The following PREX2 variants were observed in gnomAD, a reference collection of about 807,000 sequenced individuals.
PREX2 encodes phosphatidylinositol 3,4,5-trisphosphate-dependent Rac exchanger 2 protein.
PREX2 carries 107 observed loss-of-function variants against 203.2 expected under a neutral mutation model. The observed-to-expected ratio is 0.53, with a 90% CI of 0.45 to 0.62. The LOEUF (loss-of-function observed/expected upper bound fraction) is 0.62, where lower values mean the gene tolerates loss of function less well. Ranked by LOEUF, PREX2 falls within the 20% of genes least tolerant of loss-of-function variation. PREX2 has a pLI of 0.00. For synonymous variants in PREX2, 672 were observed against 663.6 expected (o/e 1.01, Z -0.19); for missense variants, 1,777 against 1,955.9 (o/e 0.91, Z 1.72).
chr8:68,013,957 C>A (rs189792173), intron 1 of PREX2, among the ~76,000 whole-genome samples: 5 of 151,982 alleles, frequency 3.3e-5, no homozygotes, highest in Non-Finnish European at 7.4e-5. Flanking sequence ...TAAAATCTGC[C>A]GGACTTTTGA....
At chr8:68,230,584 G>T (rs1399897355) in intron 39 of PREX2, among the ~76,000 whole-genome samples, 1 of 152,138 alleles carries the variant, frequency 6.6e-6, no homozygotes, top group Non-Finnish European at 1.5e-5. Context: ...TTTAACCACT[G>T]AGGAGAATGT....
intron 37 of PREX2, among the ~76,000 whole-genome samples, chr8:68,208,778 T>G (rs1812692285): frequency 6.6e-6 from 1 of 152,102 alleles, no homozygotes; most frequent in African/African-American, 2.4e-5. Context: ...TGATCAGCAG[T>G]GTCTTGCATC....
chr8:68,092,282 G>A (rs1809900054), intron 20 of PREX2, among the ~76,000 whole-genome samples: 2 of 152,134 alleles, frequency 1.3e-5, no homozygotes, highest in South Asian at 2.1e-4. Context: ...ACTAAGCGGT[G>A]CGGCTCATTG....
chr8:68,167,940 T>C (rs931184994), intron 35 of PREX2, among the ~76,000 whole-genome samples: 2 of 152,136 alleles, frequency 1.3e-5, no homozygotes, highest in Non-Finnish European at 2.9e-5. Context: ...TGCTAAAAGC[T>C]CTTGGATGGG....
intron 1 of PREX2, among the ~76,000 whole-genome samples, chr8:67,983,208 T>G (rs1056709191): frequency 6.8e-6 from 1 of 147,764 alleles, no homozygotes; most frequent in Non-Finnish European, 1.5e-5. Context: ...ATTTTGAACC[T>G]TTGTTTGGTA....
At chr8:68,224,717 G>A (rs1813024803) in intron 39 of PREX2, 91 bp downstream of exon 39, 14 of 938,052 alleles carry the variant, frequency 1.5e-5, no homozygotes, top group Non-Finnish European at 2.4e-5. Flanking sequence ...GATCTAGGAT[G>A]TGCCCCGTGT....
At chr8:68,018,505 T>C (rs920501048) in intron 2 of PREX2, among the ~76,000 whole-genome samples, 4 of 151,934 alleles carry the variant, frequency 2.6e-5, no homozygotes, top group African/African-American at 9.7e-5. Context: ...AATTGGAGGC[T>C]AAGAACCTCA....
chr8:67,978,526 T>C (rs1231848970), intron 1 of PREX2, among the ~76,000 whole-genome samples: 1 of 152,358 alleles, frequency 6.6e-6, no homozygotes, highest in Non-Finnish European at 1.5e-5. Context: ...ATCCGTATTA[T>C]TGACTGGAGC....
chr8:68,113,795 C>A lies in PREX2; in HGVS notation c.3147-1958C>A, dbSNP rs1260969886. Among the ~76,000 whole-genome samples, 3 of 152,118 alleles carry A rather than the reference C, an allele frequency of 2.0e-5. No homozygotes were observed. In the East Asian group the frequency reaches 5.8e-4, roughly 29 times the overall value. ...AGAAAGTTTACTTGTTTTTACTTGT[C>A]TTCTCTCAGTAGAATTTGAGCTCCA... On this transcript the variant is annotated intron_variant, in intron 25 of 39. Transcript: ENST00000288368.
At chr8:68,005,741 A>G (rs899212888) in intron 1 of PREX2, among the ~76,000 whole-genome samples, 2 of 152,180 alleles carry the variant, frequency 1.3e-5, no homozygotes, top group African/African-American at 4.8e-5. Context: ...ATGTACCACC[A>G]TCTGAACTTG....
chr8:67,994,113 T>G (rs1412210032), intron 1 of PREX2, among the ~76,000 whole-genome samples: 1 of 152,232 alleles, frequency 6.6e-6, no homozygotes, highest in Non-Finnish European at 1.5e-5. Context: ...TTGTTACCTG[T>G]CTACTGTTAT....
chr8:68,203,829 A>G (rs188257549), intron 37 of PREX2, among the ~76,000 whole-genome samples: 1 of 152,176 alleles, frequency 6.6e-6, no homozygotes, highest in Non-Finnish European at 1.5e-5. Context: ...AAACAGGCCA[A>G]AGAGAAAACA....
intron 25 of PREX2, chr8:68,110,892 C>A (rs1481264441): frequency 8.2e-6 from 3 of 366,552 alleles, no homozygotes; most frequent in Non-Finnish European, 1.6e-5. Context: ...TTCTAATATG[C>A]TAGTTTTGTA....
Position 68,069,025 on chromosome 8 carries a change from G to T in PREX2, c.1340-8G>T. 8.2e-7 allele frequency: 1 copy of T among 1,214,654 alleles called. No individual in the cohort carries two copies. The highest frequency in any genetic ancestry group is 1.2e-6 in the Non-Finnish European group (1 of 862,002). 75.2% of individuals were successfully genotyped at this position (1,214,654 alleles called of 1,614,324 possible). A position where few individuals can be genotyped will look rare whatever the true frequency, so the allele number is the denominator to read the frequency against. On this transcript the variant is annotated splice_region_variant and splice_polypyrimidine_tract_variant and intron_variant, in intron 11 of 39. Transcript: ENST00000288368. ...CGTTATTTTAATATAGTATTTCTAT[G>T]TTCTTAGTTACTGATAAACATCAAT...
chr8:68,172,240 T>G (rs910697489), intron 35 of PREX2, among the ~76,000 whole-genome samples: 1 of 152,206 alleles, frequency 6.6e-6, no homozygotes, highest in African/African-American at 2.4e-5. Context: ...GCTTGAAAGT[T>G]TTGTGGATGT....
chr8:68,030,251 G>A (rs1807842881), intron 5 of PREX2, among the ~76,000 whole-genome samples: 1 of 152,068 alleles, frequency 6.6e-6, no homozygotes, highest in Non-Finnish European at 1.5e-5. Context: ...TCGAAAGGAG[G>A]AACCTAACTT....
At chr8:68,150,977 C>T (rs971071214) in intron 34 of PREX2, among the ~76,000 whole-genome samples, 13 of 152,126 alleles carry the variant, frequency 8.5e-5, no homozygotes, top group African/African-American at 2.9e-4. Flanking sequence ...TATCCTCACA[C>T]GGTCTTCTTC....
chr8:68,047,819 T>C (rs145007895), intron 8 of PREX2, among the ~76,000 whole-genome samples: 2 of 151,938 alleles, frequency 1.3e-5, no homozygotes, highest in African/African-American at 4.8e-5. Flanking sequence ...AGATGACTAA[T>C]TTCATTGATA....
At chr8:68,180,782 G>C (rs965525376) in intron 35 of PREX2, among the ~76,000 whole-genome samples, 1 of 152,148 alleles carries the variant, frequency 6.6e-6, no homozygotes, top group Non-Finnish European at 1.5e-5. Context: ...GGCGTCCTTA[G>C]AGGGAATGGT....
Sources: allele counts gnomAD v4.1 joint callset (sites outside exome capture counted in the v4.1 genomes callset), GRCh38; gene constraint gnomAD v4.1.1; transcripts MANE v1.5; gene names NCBI Gene and HGNC (gene_info 2026-07-23, HGNC 2026-07-21).